Variants in C7orf78 observed in about 807,000 individuals in gnomAD.
C7orf78 encodes the protein chromosome 7 open reading frame 78.
chr7:12,535,961 C>G, the C7orf78 span, among the ~76,000 whole-genome samples: 1 of 152,222 alleles, frequency 6.6e-6, no homozygotes, highest in Non-Finnish European at 1.5e-5. Flanking sequence ...AGGATACAGC[C>G]TCCCACCCAG....
the C7orf78 span, among the ~76,000 whole-genome samples, chr7:12,526,236 A>G: frequency 1.3e-5 from 2 of 152,064 alleles, no homozygotes; most frequent in South Asian, 2.1e-4. Flanking sequence ...CTGTCTATCT[A>G]TTGGTTTCCT....
the C7orf78 span, among the ~76,000 whole-genome samples, chr7:12,522,629 A>G: frequency 7.9e-5 from 12 of 152,126 alleles, no homozygotes; most frequent in Admixed American, 3.3e-4. Context: ...TAGCTGACCA[A>G]TCTCCTTGCT....
the C7orf78 span, chr7:12,483,865 C>G: frequency 8.1e-6 from 1 of 123,126 alleles, no homozygotes; most frequent in African/African-American, 3.1e-5. Context: ...GCAATAAGAG[C>G]AAAACTCCAT....
At chr7:12,487,591 C>A in the C7orf78 span, among the ~76,000 whole-genome samples, 1 of 151,950 alleles carries the variant, frequency 6.6e-6, no homozygotes, top group African/African-American at 2.4e-5. Context: ...TTACAGAAGG[C>A]TAAAAAATAT....
chr7:12,493,626 C>T, the C7orf78 span, among the ~76,000 whole-genome samples: 1 of 152,220 alleles, frequency 6.6e-6, no homozygotes. Flanking sequence ...GATTAAGAAC[C>T]TGGCCTCAGG....
the C7orf78 span, among the ~76,000 whole-genome samples, chr7:12,500,139 A>G: frequency 4.9e-5 from 7 of 143,054 alleles, no homozygotes; most frequent in African/African-American, 1.8e-4. Context: ...GAAAGATCCA[A>G]AATTGACACC....
the C7orf78 span, among the ~76,000 whole-genome samples, chr7:12,522,818 A>AT: frequency 6.6e-6 from 1 of 152,170 alleles, no homozygotes; most frequent in East Asian, 1.9e-4. Context: ...CAGCAATGAT[A>AT]TTTTTTTCCT....
the C7orf78 span, among the ~76,000 whole-genome samples, chr7:12,514,271 C>A: frequency 1.3e-5 from 2 of 152,088 alleles, no homozygotes; most frequent in Non-Finnish European, 2.9e-5. Context: ...TGTTCTCTTG[C>A]TGAACTAATT....
the C7orf78 span, among the ~76,000 whole-genome samples, chr7:12,498,437 G>A: frequency 6.6e-6 from 1 of 151,428 alleles, no homozygotes; most frequent in Non-Finnish European, 1.5e-5. Context: ...CGTGAAGAAT[G>A]CAGAAGCCTC....
At chr7:12,488,124 A>G in the C7orf78 span, among the ~76,000 whole-genome samples, 2 of 152,106 alleles carry the variant, frequency 1.3e-5, no homozygotes, top group Admixed American at 1.3e-4. Context: ...AATTTAGTTT[A>G]GTGAATTATA....
At chr7:12,542,099 T>A in the C7orf78 span, 1 of 152,218 alleles carries the variant, frequency 6.6e-6, no homozygotes, top group East Asian at 1.9e-4. Flanking sequence ...TAGGATTTAA[T>A]GCTATTGCCA....
At chr7:12,493,037 T>C in the C7orf78 span, among the ~76,000 whole-genome samples, 1 of 152,042 alleles carries the variant, frequency 6.6e-6, no homozygotes, top group Non-Finnish European at 1.5e-5. Flanking sequence ...AAACCATCTC[T>C]ACAAAAAACA....
chr7:12,523,386 G>A, the C7orf78 span: 1 of 398,176 alleles, frequency 2.5e-6, no homozygotes, highest in Non-Finnish European at 4.4e-6. Context: ...CAATATCCAA[G>A]GGGTGTATAT....
At chr7:12,484,529 TATTTA>T in the C7orf78 span, among the ~76,000 whole-genome samples, 2 of 152,206 alleles carry the variant, frequency 1.3e-5, no homozygotes, top group Admixed American at 1.3e-4. Flanking sequence ...GAAAATATAT[TATTTA>T]ATTCTACCCT....
chr7:12,519,460 C>G, the C7orf78 span, among the ~76,000 whole-genome samples: 1 of 152,178 alleles, frequency 6.6e-6, no homozygotes, highest in East Asian at 1.9e-4. Flanking sequence ...TGTGGTCACT[C>G]CTTCCAGCTC....
At chr7:12,525,753 C>A in the C7orf78 span, 2 of 393,506 alleles carry the variant, frequency 5.1e-6, no homozygotes, top group South Asian at 2.7e-4. Context: ...TAGGAAAAAT[C>A]AAACTCCAAC....
chr7:12,508,037 C>A, the C7orf78 span, among the ~76,000 whole-genome samples: 1 of 152,290 alleles, frequency 6.6e-6, no homozygotes, highest in East Asian at 1.9e-4. Flanking sequence ...CTACGTTCTC[C>A]GGCTTCTTTG....
At chr7:12,491,349 A>T in the C7orf78 span, 3 of 152,142 alleles carry the variant, frequency 2.0e-5, no homozygotes, top group African/African-American at 7.2e-5. Flanking sequence ...ATGGTGCAGC[A>T]ATGATGTTCC....
chr7:12,531,023 G>A, the C7orf78 span: 3 of 398,414 alleles, frequency 7.5e-6, no homozygotes, highest in Non-Finnish European at 1.3e-5. Flanking sequence ...AGACATAGAA[G>A]GCAGCGTGAT....
Sources: gnomAD v4.1 joint callset for allele counts (sites outside exome capture counted in the v4.1 genomes callset) on GRCh38, gnomAD v4.1.1 for gene constraint, MANE v1.5 for transcripts, NCBI Gene and HGNC (gene_info 2026-07-23, HGNC 2026-07-21) for gene names.